The following TEKT5 variants were observed in gnomAD, a reference collection of about 807,000 sequenced individuals.
TEKT5 encodes tektin-5.
TEKT5 carries 52 observed loss-of-function variants against 48.7 expected under a neutral mutation model. That is an observed-to-expected ratio of 1.07 (90% CI 0.86 to 1.35). TEKT5 has a LOEUF of 1.35. Ranked by LOEUF, TEKT5 falls within the 40% of genes most tolerant of loss-of-function variation. The pLI, the probability that TEKT5 is intolerant of heterozygous loss-of-function variation, is 0.00. For synonymous variants in TEKT5, 318 were observed against 267.6 expected, an observed-to-expected ratio of 1.19 and a Z score of -1.84; for missense variants, 831 against 641.6, an observed-to-expected ratio of 1.30 and a Z score of -3.19.
At chr16:10,636,757 G>T (rs1295421243) in intron 5 of TEKT5, among the ~76,000 whole-genome samples, 1 of 149,184 alleles carries the variant, frequency 6.7e-6, no homozygotes, top group Non-Finnish European at 1.5e-5. Context: ...TACCTTCTTA[G>T]TAATTACCTT....
intron 5 of TEKT5, among the ~76,000 whole-genome samples, chr16:10,663,098 G>A (rs923253979): frequency 2.0e-5 from 3 of 152,148 alleles, no homozygotes; most frequent in Non-Finnish European, 2.9e-5. Context: ...TCAGCACTGG[G>A]AATGGTCTCT....
intron 5 of TEKT5, among the ~76,000 whole-genome samples, chr16:10,665,484 G>C (rs1392546306): frequency 6.6e-6 from 1 of 152,174 alleles, no homozygotes; most frequent in African/African-American, 2.4e-5. Context: ...CCTCTCCCGT[G>C]TTCGTTCTCT....
chr16:10,658,506 G>C (rs889493882), intron 5 of TEKT5, among the ~76,000 whole-genome samples: 3 of 152,052 alleles, frequency 2.0e-5, no homozygotes, highest in African/African-American at 7.3e-5. Flanking sequence ...AGAACATACT[G>C]CATGATTCTA....
At chr16:10,635,081 T>C (rs1257274695) in intron 6 of TEKT5, among the ~76,000 whole-genome samples, 3 of 152,068 alleles carry the variant, frequency 2.0e-5, no homozygotes, top group Non-Finnish European at 4.4e-5. Context: ...GGCCAAGTGG[T>C]TTGCCCCAAG....
chr16:10,658,348 CTATCA>C (rs1405502870), intron 5 of TEKT5, among the ~76,000 whole-genome samples: 1 of 152,156 alleles, frequency 6.6e-6, no homozygotes, highest in Non-Finnish European at 1.5e-5. Context: ...ACTTAAACAT[CTATCA>C]ACAGGAGGAT....
At chr16:10,665,058 G>A (rs1898435642) in intron 5 of TEKT5, among the ~76,000 whole-genome samples, 1 of 152,106 alleles carries the variant, frequency 6.6e-6, no homozygotes, top group African/African-American at 2.4e-5. Flanking sequence ...ATACACTATG[G>A]GTCTTACCTG....
rs202189398 is a variant in TEKT5 at position 10,661,707 on chromosome 16, G to A, written c.1086+14252C>T. Among the ~76,000 whole-genome samples, 12 of 152,254 alleles carry A rather than the reference G, an allele frequency of 7.9e-5. No individual in the cohort carries two copies. The East Asian group carries it at 2.3e-3, about 29-fold the overall frequency. ...GAGTGAGGAGAGGCCAGTGGTATTC[G>A]GATTCCAGTGTGCCCACCTCACTAC... On this transcript the variant is annotated intron_variant, in intron 5 of 6. Coordinates refer to ENST00000283025, the MANE Select transcript of TEKT5 (RefSeq NM_144674.2).
intron 5 of TEKT5, among the ~76,000 whole-genome samples, chr16:10,673,920 G>A (rs1348958041): frequency 6.6e-6 from 1 of 151,966 alleles, no homozygotes; most frequent in African/African-American, 2.4e-5. Context: ...CCAAAGTGCT[G>A]GGATTACAGC....
intron 5 of TEKT5, among the ~76,000 whole-genome samples, chr16:10,668,358 C>A (rs113480646): frequency 0.015 from 2,336 of 152,272 alleles, 58 homozygotes; most frequent in African/African-American, 0.052. Flanking sequence ...GACTTTCTCC[C>A]TGGGATGCAG....
At chr16:10,642,029 G>C (rs545710990) in intron 5 of TEKT5, among the ~76,000 whole-genome samples, 12 of 152,354 alleles carry the variant, frequency 7.9e-5, no homozygotes, top group African/African-American at 2.6e-4. Flanking sequence ...CCGCAGGCTG[G>C]CAGGGCTGAG....
chr16:10,664,357 C>T (rs1427630462), intron 5 of TEKT5, among the ~76,000 whole-genome samples: 1 of 152,204 alleles, frequency 6.6e-6, no homozygotes, highest in Non-Finnish European at 1.5e-5. Flanking sequence ...TGTTAAAACT[C>T]AGATCGCTAG....
At chr16:10,675,722 C>G (rs1457246495) in intron 5 of TEKT5, among the ~76,000 whole-genome samples, 1 of 151,948 alleles carries the variant, frequency 6.6e-6, no homozygotes, top group Non-Finnish European at 1.5e-5. Flanking sequence ...CTCTTGGGCA[C>G]AGCTAGGCCA....
chr16:10,689,205 T>G (rs1161802062), intron 3 of TEKT5, 48 bp downstream of exon 3: 2 of 1,528,990 alleles, frequency 1.3e-6, no homozygotes, highest in Non-Finnish European at 1.8e-6. Context: ...CTGAGAGTCC[T>G]AAAACAAACC....
chr16:10,682,274 A>G (rs1898770358), intron 3 of TEKT5, 138 bp from the exon 4 acceptor site: 1 of 865,796 alleles, frequency 1.2e-6, no homozygotes. Flanking sequence ...TCCCACCTCC[A>G]TGTCCCACCA....
intron 5 of TEKT5, among the ~76,000 whole-genome samples, chr16:10,668,895 G>A (rs1367702870): frequency 1.3e-5 from 2 of 151,980 alleles, no homozygotes; most frequent in Non-Finnish European, 2.9e-5. Flanking sequence ...CTGTAATAGG[G>A]AGTGGTGGGG....
chr16:10,685,516 C>G (rs1185786070), intron 3 of TEKT5, among the ~76,000 whole-genome samples: 1 of 152,098 alleles, frequency 6.6e-6, no homozygotes, highest in African/African-American at 2.4e-5. Context: ...AGACTGGTCT[C>G]GAACTCCTGA....
rs540976922 is a variant in TEKT5, at chr16:10,635,835, C to T, written c.1170G>A (p.Val390=). The change falls in exon 6 of 7, where the codon GTG becomes GTA. Residue 390 remains valine, a synonymous_variant. Transcript: ENST00000283025. ...TCCGGCACTCCAGCCTTGTCTGGGC[C>T]ACCTTCAGCGGGCCCTCCTTGGCCA... The part of the protein sequence containing the change: ...SIMAKEGPLK[V]AQTRLECRTR... 312 of 1,614,182 alleles carry T rather than the reference C, an allele frequency of 1.9e-4. 2 individuals are homozygous for T. In the South Asian group the frequency reaches 2.6e-3, roughly 14 times the overall value.
At chr16:10,646,035 A>C (rs149889399) in intron 5 of TEKT5, among the ~76,000 whole-genome samples, 4 of 151,950 alleles carry the variant, frequency 2.6e-5, no homozygotes, top group African/African-American at 9.6e-5. Flanking sequence ...TGGGAGGCTG[A>C]GGAAGGATTG....
At chr16:10,669,205 C>T (rs989123172) in intron 5 of TEKT5, among the ~76,000 whole-genome samples, 3 of 152,112 alleles carry the variant, frequency 2.0e-5, no homozygotes, top group African/African-American at 4.8e-5. Flanking sequence ...CGGTAGCTCA[C>T]GCCTGTAATC....
Sources: gnomAD v4.1 joint callset for allele counts (sites outside exome capture counted in the v4.1 genomes callset) on GRCh38, gnomAD v4.1.1 for gene constraint, MANE v1.5 for transcripts, NCBI Gene and HGNC (gene_info 2026-07-23, HGNC 2026-07-21) for gene names.